The following PRIMA1 variants were observed in gnomAD, a reference collection of about 807,000 sequenced individuals.
PRIMA1 encodes proline-rich membrane anchor 1.
In PRIMA1, 7 loss-of-function variants were observed where a neutral mutation model predicts 17.5. The observed-to-expected ratio is 0.40, with a 90% CI of 0.23 to 0.75. The LOEUF (loss-of-function observed/expected upper bound fraction) is 0.75, where lower values mean the gene tolerates loss of function less well. PRIMA1 is among the 30% of genes least tolerant of loss of function. PRIMA1 has a pLI of 0.37. For missense variants in PRIMA1, 200 were observed against 201.8 expected (o/e 0.99, Z 0.05); for synonymous variants, 97 against 77.9 (o/e 1.25, Z -1.29).
At chr14:93,779,341 AG>A in intron 2 of PRIMA1, 30 bp from the exon 3 acceptor site, 1 of 1,527,500 alleles carries the variant, frequency 6.5e-7, no homozygotes. Flanking sequence ...TACCCAAGAG[AG>A]AGAGAAGACC....
In PRIMA1 at chr14:93,726,041, T is replaced by C. The variant is rs1021202236; in HGVS notation, c.360-4495A>G. 35 of 456,584 alleles carry C rather than the reference T, an allele frequency of 7.7e-5. No homozygotes were observed. In the East Asian group the frequency reaches 2.1e-3, roughly 27 times the overall value. 28.3% of individuals were successfully genotyped at this position (456,584 alleles called of 1,614,324 possible). On this transcript the variant is annotated intron_variant, in intron 4 of 4. Transcript: ENST00000393140. The surrounding 1 kb of genome is among the most constrained non-coding windows in gnomAD (Gnocchi z 4.2). Reference sequence around the variant, plus strand: ...AAGAGAGAGGTTAGTGAGACTTTCCTTGGCGGCACCCAGGATTCCTGCTTG... The same window carrying C: ...AAGAGAGAGGTTAGTGAGACTTTCCCTGGCGGCACCCAGGATTCCTGCTTG...
intron 2 of PRIMA1, among the ~76,000 whole-genome samples, chr14:93,786,481 T>C (rs1041260127): frequency 1.3e-5 from 2 of 152,128 alleles, no homozygotes; most frequent in African/African-American, 4.8e-5. Flanking sequence ...GCCCCATCAT[T>C]TGGGGCAGCT....
At chr14:93,740,269 C>T (rs1035134139) in intron 3 of PRIMA1, among the ~76,000 whole-genome samples, 2 of 152,080 alleles carry the variant, frequency 1.3e-5, no homozygotes, top group African/African-American at 4.8e-5. Flanking sequence ...TTCTCATTTT[C>T]CCCATGATGA....
At chr14:93,728,365 G>T (rs2076092969) in intron 4 of PRIMA1, among the ~76,000 whole-genome samples, 1 of 152,200 alleles carries the variant, frequency 6.6e-6, no homozygotes, top group African/African-American at 2.4e-5. Context: ...TAGGCTGACA[G>T]GTCAGCGAGG....
At chr14:93,725,216 C>T (rs549441831) in intron 4 of PRIMA1, among the ~76,000 whole-genome samples, 30 of 152,186 alleles carry the variant, frequency 2.0e-4, no homozygotes, top group African/African-American at 2.9e-4. Context: ...GTAAGGGGCT[C>T]GGCACCTGTG....
chr14:93,774,445 C>T (rs924233875), intron 3 of PRIMA1, among the ~76,000 whole-genome samples: 9 of 152,342 alleles, frequency 5.9e-5, no homozygotes, highest in South Asian at 4.1e-4. Context: ...CAGGCCTGCA[C>T]GAATAGGTGT....
chr14:93,760,699 G>A, intron 3 of PRIMA1, among the ~76,000 whole-genome samples: 1 of 152,216 alleles, frequency 6.6e-6, no homozygotes, highest in East Asian at 1.9e-4. Flanking sequence ...CTGGTGCACA[G>A]GAGGTGCTCA....
chr14:93,747,756 G>T (rs1223098577), intron 3 of PRIMA1, among the ~76,000 whole-genome samples: 2 of 150,858 alleles, frequency 1.3e-5, no homozygotes, highest in African/African-American at 4.9e-5. Flanking sequence ...TGTGTGGAGT[G>T]CAAGTGTGTG....
In PRIMA1 at chr14:93,779,303, A is replaced by G. The variant is rs4905087; in HGVS notation, c.102T>C (p.His34=). ...TGGAGCAGGACTTCTGGGGCTCACC[A>G]TGCGTCACCTGTACACATGGGCACA... The part of the protein sequence containing the change: ...HPLWGFVQVT[H]GEPQKSCSKV... The change falls in exon 3 of 5, where the codon CAT becomes CAC. Residue 34 remains histidine (H), a synonymous_variant. Transcript: ENST00000393140. The G allele has an allele frequency of 0.75, 1,153,501 of 1,546,064 alleles. 437,153 individuals carry two copies. Among genetic ancestry groups the G allele is most frequent in the Middle Eastern group, 0.79 (4,655 of 5,898 alleles).
At position 93,726,149 on chromosome 14, in the gene PRIMA1, C is replaced by A. The variant is rs369675885; in HGVS notation, c.360-4603G>T. On this transcript the variant is annotated intron_variant, in intron 4 of 4. Coordinates refer to ENST00000393140, the MANE Select transcript of PRIMA1 (RefSeq NM_178013.4). This position sits in a 1 kb window ranked among gnomAD's most constrained non-coding sequence, Gnocchi z 4.2. The stretch of plus-strand genomic sequence containing the variant: ...GCAGCAGGCTCCCACATTCCCTGCT[C>A]GGAGTGCCGCGCGGACAGCTCCAGC... The A allele has an allele frequency of 4.6e-6, 2 of 435,782 alleles. No individual in the cohort carries two copies. The highest frequency in any genetic ancestry group is 4.8e-5 in the Admixed American group (2 of 41,356). 27.0% of individuals were successfully genotyped at this position (435,782 alleles called of 1,614,324 possible).
intron 3 of PRIMA1, among the ~76,000 whole-genome samples, chr14:93,771,529 C>G (rs970954292): frequency 6.6e-5 from 10 of 152,238 alleles, no homozygotes; most frequent in Non-Finnish European, 1.5e-4. Flanking sequence ...TGGCCCCAGC[C>G]CTGGCTGACA....
intron 3 of PRIMA1, among the ~76,000 whole-genome samples, chr14:93,741,991 C>A (rs566046725): frequency 6.6e-6 from 1 of 152,332 alleles, no homozygotes; most frequent in South Asian, 2.1e-4. Context: ...CCAGAGAGAG[C>A]AACTGCAAGC....
At chr14:93,771,855 G>A (rs939992759) in intron 3 of PRIMA1, among the ~76,000 whole-genome samples, 5 of 152,138 alleles carry the variant, frequency 3.3e-5, no homozygotes, top group Non-Finnish European at 5.9e-5. Context: ...GGAAAGGAAA[G>A]GGGGGTCCCT....
At chr14:93,771,110 G>A (rs1002031046) in intron 3 of PRIMA1, among the ~76,000 whole-genome samples, 1 of 151,894 alleles carries the variant, frequency 6.6e-6, no homozygotes, top group East Asian at 1.9e-4. Flanking sequence ...GCATGTACGC[G>A]TGTGCATGTA....
At chr14:93,759,704 A>G (rs1380692011) in intron 3 of PRIMA1, among the ~76,000 whole-genome samples, 2 of 152,154 alleles carry the variant, frequency 1.3e-5, no homozygotes, top group Non-Finnish European at 2.9e-5. Context: ...GGAGCTTAGA[A>G]TCTCCTCAGC....
chr14:93,737,479 G>A (rs1269586708), intron 3 of PRIMA1, 109 bp from the exon 4 acceptor site: 2 of 1,326,512 alleles, frequency 1.5e-6, no homozygotes, highest in South Asian at 1.4e-5. Flanking sequence ...GGAGGTCACT[G>A]GTGGGACCAT....
chr14:93,747,759 AGT>A (rs1022636658), intron 3 of PRIMA1, among the ~76,000 whole-genome samples: 33 of 144,646 alleles, frequency 2.3e-4, no homozygotes, highest in African/African-American at 6.0e-4. Flanking sequence ...GTGGAGTGCA[AGT>A]GTGTGGGAGA....
chr14:93,744,997 GC>G (rs1303795287), intron 3 of PRIMA1, among the ~76,000 whole-genome samples: 1 of 151,934 alleles, frequency 6.6e-6, no homozygotes, highest in African/African-American at 2.4e-5. Context: ...CGGGTCTCTT[GC>G]CCTGCAGCCT....
At chr14:93,724,243 C>G (rs560021227) in intron 4 of PRIMA1, among the ~76,000 whole-genome samples, 1 of 152,186 alleles carries the variant, frequency 6.6e-6, no homozygotes, top group Non-Finnish European at 1.5e-5. Flanking sequence ...CTCCACCCCC[C>G]TCTTAGAGAT....
Sources: gnomAD v4.1 joint callset for allele counts (sites outside exome capture counted in the v4.1 genomes callset) on GRCh38, gnomAD v4.1.1 for gene constraint, Gnocchi (gnomAD v3.1) non-coding constraint, MANE v1.5 for transcripts, NCBI Gene and HGNC (gene_info 2026-07-23, HGNC 2026-07-21) for gene names.